The following TFDP2 variants were observed in gnomAD, a reference collection of about 807,000 sequenced individuals.
The protein encoded by TFDP2 is transcription factor Dp-2.
Under a neutral mutation model 59.3 loss-of-function variants are expected in TFDP2, and 17 were observed. The ratio of observed to expected loss-of-function variants is 0.29; its 90% CI spans 0.20 to 0.43. The LOEUF is 0.43. TFDP2 is among the 20% of genes least tolerant of loss of function. TFDP2 has a pLI of 1.00. For synonymous variants in TFDP2, 180 were observed against 194.7 expected, an observed-to-expected ratio of 0.92 and a Z score of 0.63; for missense variants, 391 against 528.8, an observed-to-expected ratio of 0.74 and a Z score of 2.56.
At chr3:142,056,619 T>C (rs1400754570) in intron 3 of TFDP2, among the ~76,000 whole-genome samples, 2 of 152,152 alleles carry the variant, frequency 1.3e-5, no homozygotes, top group Non-Finnish European at 2.9e-5. Flanking sequence ...AGAAAAAGCA[T>C]CTCAGAATAA....
chr3:142,091,917 G>C (rs989870323), intron 3 of TFDP2, among the ~76,000 whole-genome samples: 2 of 152,150 alleles, frequency 1.3e-5, no homozygotes, highest in Non-Finnish European at 1.5e-5. Context: ...CACAGCCTGG[G>C]AATTGGGGAC....
chr3:142,130,331 G>C (rs932302628), intron 1 of TFDP2, among the ~76,000 whole-genome samples: 1 of 152,012 alleles, frequency 6.6e-6, no homozygotes, highest in Non-Finnish European at 1.5e-5. Flanking sequence ...AGTGAAATAG[G>C]CCAGTCACAA....
rs2061051372 is a variant in TFDP2, at chr3:142,093,100, CTT to C, written c.41_42del (p.Glu14GlyfsTer90). 1.3e-6 allele frequency: 2 copies of C among 1,541,660 alleles called. No homozygotes were observed. The highest frequency in any genetic ancestry group is 1.7e-6 in the Non-Finnish European group (2 of 1,149,884). On this transcript the variant is annotated frameshift_variant, in exon 3 of 13. Coordinates refer to ENST00000489671, the MANE Select transcript of TFDP2 (RefSeq NM_001178139.2). LOFTEE classifies it high-confidence loss of function. ...KNVGLTSTNA[E>X]VRGFIDQNLS... Reference sequence around the variant, plus strand: ...AGATTCTGATCTATAAATCCTCTTACTTCTGCATTTGTGGAAGTCAAACCAAC... The same window carrying C: ...AGATTCTGATCTATAAATCCTCTTACCTGCATTTGTGGAAGTCAAACCAAC...
chr3:142,052,253 A>T (rs1947666951), intron 3 of TFDP2, among the ~76,000 whole-genome samples: 1 of 152,096 alleles, frequency 6.6e-6, no homozygotes, highest in Non-Finnish European at 1.5e-5. Context: ...AAACCTTAGT[A>T]TTGGCCGTGC....
At chr3:141,978,771 A>G (rs534930060) in intron 6 of TFDP2, 89 bp from the exon 7 acceptor site, 2 of 1,016,842 alleles carry the variant, frequency 2.0e-6, no homozygotes, top group Non-Finnish European at 2.6e-6. Context: ...GAAGACAGTA[A>G]TTTAAGTTTT....
intron 1 of TFDP2, among the ~76,000 whole-genome samples, chr3:142,112,978 A>G (rs2061712617): frequency 6.6e-6 from 1 of 152,270 alleles, no homozygotes; most frequent in Admixed American, 6.5e-5. Flanking sequence ...TACCCAAAGA[A>G]GCAATATTAG....
intron 6 of TFDP2, among the ~76,000 whole-genome samples, chr3:141,993,086 G>A (rs1355779968): frequency 1.3e-5 from 2 of 152,048 alleles, no homozygotes; most frequent in Admixed American, 6.6e-5. Context: ...TGTAATCCCA[G>A]CACTTTGGGA....
At chr3:142,020,468 G>A (rs1212156828) in intron 3 of TFDP2, among the ~76,000 whole-genome samples, 2 of 151,110 alleles carry the variant, frequency 1.3e-5, no homozygotes, top group East Asian at 2.0e-4. Flanking sequence ...TCGGGAAGTG[G>A]AGGTTGCGGT....
chr3:142,005,572 G>C, intron 3 of TFDP2, 28 bp from the exon 4 acceptor site: 1 of 1,525,382 alleles, frequency 6.6e-7, no homozygotes, highest in African/African-American at 1.4e-5. Flanking sequence ...CATTAAGTTA[G>C]TATTCTGCCA....
At chr3:142,017,148 C>T (rs1043505431) in intron 3 of TFDP2, among the ~76,000 whole-genome samples, 1 of 152,200 alleles carries the variant, frequency 6.6e-6, no homozygotes, top group African/African-American at 2.4e-5. Flanking sequence ...TCCTAATTTA[C>T]TATACTTTAT....
rs541176468 is a variant in TFDP2, at chr3:142,042,007, C to A, written c.83-36463G>T. Among the ~76,000 whole-genome samples, 4 of 152,274 alleles carry A rather than the reference C, an allele frequency of 2.6e-5. No individual in the cohort carries two copies. In the South Asian group the frequency reaches 6.2e-4, roughly 24 times the overall value. On this transcript the variant is annotated intron_variant, in intron 3 of 12. Coordinates refer to ENST00000489671, the MANE Select transcript of TFDP2 (RefSeq NM_001178139.2). The stretch of plus-strand genomic sequence containing the variant: ...TTTCTGCACTCTTTATTCTGTTCTA[C>A]TGATATATGTGTCCATTCTTTTGCC...
intron 12 of TFDP2, 74 bp downstream of exon 12, chr3:141,952,837 T>C (rs757233620): frequency 1.2e-4 from 189 of 1,556,332 alleles, no homozygotes; most frequent in Non-Finnish European, 1.6e-4. Flanking sequence ...GGCAGTAACA[T>C]GACCCCGGCT....
intron 3 of TFDP2, among the ~76,000 whole-genome samples, chr3:142,011,887 A>G (rs1944736719): frequency 6.6e-6 from 1 of 152,148 alleles, no homozygotes; most frequent in Non-Finnish European, 1.5e-5. Flanking sequence ...AATACTGTAG[A>G]GCCTTTCTGG....
At chr3:142,067,666 C>A (rs1185953725) in intron 3 of TFDP2, among the ~76,000 whole-genome samples, 1 of 152,010 alleles carries the variant, frequency 6.6e-6, no homozygotes, top group African/African-American at 2.4e-5. Flanking sequence ...AGAGCCAACA[C>A]AATAGTAAAG....
chr3:141,954,713 T>C (rs189858668), intron 11 of TFDP2, among the ~76,000 whole-genome samples: 69 of 152,032 alleles, frequency 4.5e-4, no homozygotes, highest in African/African-American at 1.6e-3. Flanking sequence ...AAATAAGTGG[T>C]AGATACATTA....
At chr3:141,980,305 A>C (rs1392961082) in intron 6 of TFDP2, among the ~76,000 whole-genome samples, 1 of 152,112 alleles carries the variant, frequency 6.6e-6, no homozygotes, top group African/African-American at 2.4e-5. Flanking sequence ...TAAGGATATA[A>C]AGAAAATATT....
chr3:142,082,918 G>A (rs1443959992), intron 3 of TFDP2, among the ~76,000 whole-genome samples: 6 of 152,100 alleles, frequency 3.9e-5, no homozygotes, highest in Admixed American at 3.9e-4. Flanking sequence ...GTAAAATACA[G>A]GATAGGAAAA....
chr3:142,085,805 T>C (rs1438631396), intron 3 of TFDP2, among the ~76,000 whole-genome samples: 2 of 152,168 alleles, frequency 1.3e-5, no homozygotes, highest in Non-Finnish European at 2.9e-5. Flanking sequence ...CTAACTGATA[T>C]ATTGGATTCC....
At chr3:142,057,460 C>T (rs1357607498) in intron 3 of TFDP2, among the ~76,000 whole-genome samples, 2 of 152,272 alleles carry the variant, frequency 1.3e-5, no homozygotes, top group East Asian at 3.9e-4. Context: ...GCTCTGCCAA[C>T]CAAGAAAATA....
Sources: gnomAD v4.1 joint callset for allele counts (sites outside exome capture counted in the v4.1 genomes callset) on GRCh38, gnomAD v4.1.1 for gene constraint, MANE v1.5 for transcripts, NCBI Gene and HGNC (gene_info 2026-07-23, HGNC 2026-07-21) for gene names.